The following ARSA variants were observed in gnomAD, a reference collection of about 807,000 sequenced individuals.
ARSA encodes the protein cerebroside-sulfatase.
In ARSA, 32 loss-of-function variants were observed where a neutral mutation model predicts 37.8. The observed-to-expected ratio is 0.85, with a 90% CI of 0.64 to 1.14. The LOEUF (loss-of-function observed/expected upper bound fraction) is 1.14, where lower values mean the gene tolerates loss of function less well. ARSA is among the 50% of genes most tolerant of loss of function. The pLI is 0.00. For missense variants in ARSA, 685 were observed against 686.3 expected (o/e 1.00, Z 0.02); for synonymous variants, 303 against 303.4 (o/e 1.00, Z 0.01).
Position 50,627,412 on chromosome 22 carries a change from G to A in ARSA, c.225-6C>T, listed in dbSNP as rs1228259690. On this transcript the variant is annotated splice_region_variant and splice_polypyrimidine_tract_variant and intron_variant, in intron 1 of 7. Transcript: ENST00000216124. ...GGCCGGTCAGGAGGGCGGCCCTGCGGGACAAGTCACAGAGTCCCTGAGACA... is the reference window on the plus strand; with the variant it reads ...GGCCGGTCAGGAGGGCGGCCCTGCGAGACAAGTCACAGAGTCCCTGAGACA... 6.2e-7 allele frequency: 1 copy of A among 1,608,364 alleles called. No homozygotes were observed. The highest frequency in any genetic ancestry group is 8.5e-7 in the Non-Finnish European group (1 of 1,179,380).
In ARSA at chr22:50,626,179, G is replaced by T; in HGVS notation, c.954C>A (p.Ala318=). The change falls in exon 5 of 8, where the codon GCC becomes GCA. Residue 318 remains alanine, a synonymous_variant. Transcript: ENST00000216124. ...CGGGAGCGATATGACCTGGCCAGAA[G>T]GCCAAGGCAGGCTCTCGGACACCGC... ...YEGGVREPAL[A]FWPGHIAPGV... 3 of 1,607,970 alleles carry T rather than the reference G, an allele frequency of 1.9e-6. No homozygotes were observed. Among genetic ancestry groups the T allele is most frequent in the Non-Finnish European group, 2.5e-6 (3 of 1,177,826 alleles).
At chr22:50,625,505 A>G (rs761875290) in intron 7 of ARSA, 41 bp from the exon 8 acceptor site, 9 of 1,587,790 alleles carry the variant, frequency 5.7e-6, no homozygotes, top group Non-Finnish European at 7.7e-6. Context: ...CAAGGGCGAG[A>G]GGAGGGGCCA....
rs1416993144 is a variant in ARSA at position 50,623,484 on chromosome 22, G to A, written c.*1661C>T. Reference sequence around the variant, plus strand: ...AGACAGGGTCTCACTCTGTCCCCGAGGCTGGAGTGCAGTGGTACAATTATA... The same window carrying A: ...AGACAGGGTCTCACTCTGTCCCCGAAGCTGGAGTGCAGTGGTACAATTATA... On this transcript the variant is annotated 3_prime_UTR_variant, in exon 8 of 8. Coordinates refer to ENST00000216124, the MANE Select transcript of ARSA (RefSeq NM_000487.6). Among the ~76,000 whole-genome samples, 3 of 152,304 alleles carry A rather than the reference G, an allele frequency of 2.0e-5. No individual in the cohort carries two copies. The highest frequency in any genetic ancestry group is 2.4e-5 in the African/African-American group (1 of 41,568).
In ARSA at chr22:50,624,042, T is replaced by C. The variant is rs1304948468; in HGVS notation, c.*1103A>G. The C allele has an allele frequency of 6.6e-6, 1 of 151,544 alleles. No individual in the cohort carries two copies. Among genetic ancestry groups the C allele is most frequent in the Non-Finnish European group, 1.5e-5 (1 of 68,034 alleles). The allele number at this position is 151,544 out of a possible 1,614,324, so 9.4% of individuals were successfully genotyped here. ...CCTCAGCCTCCCAAAGCACTGGGAA[T>C]ACAGGAGTGAATCGCCGTGTGCAGC... On this transcript the variant is annotated 3_prime_UTR_variant, in exon 8 of 8. Coordinates refer to ENST00000216124, the MANE Select transcript of ARSA (RefSeq NM_000487.6).
chr22:50,627,323 G>A lies in ARSA; in HGVS notation c.308C>T (p.Pro103Leu). The change falls in exon 2 of 8, where the codon CCC (proline) becomes CTC (leucine). Residue 103 changes from proline (P) to leucine (L), a missense_variant. By Grantham distance (98) the Pro-to-Leu change is moderately conservative. Transcript: ENST00000216124. ...VLVPSSRGGL[P>L]LEEVTVAEVL... The stretch of plus-strand genomic sequence containing the variant: ...TTCGGCCACGGTCACCTCCTCCAGG[G>A]GCAGGCCCCCCCGGGAGCTGGGCAC... The A allele has an allele frequency of 6.3e-7, 1 of 1,589,342 alleles. No individual in the cohort carries two copies. The highest frequency in any genetic ancestry group is 1.3e-5 in the African/African-American group (1 of 74,646).
Position 50,625,905 on chromosome 22 carries a change from A to G in ARSA, c.1107+31T>C, listed in dbSNP as rs370793209. 6.7e-5 allele frequency: 105 copies of G among 1,564,936 alleles called. No homozygotes were observed. The African/African-American group carries it at 1.3e-3, about 19-fold the overall frequency. On this transcript the variant is annotated intron_variant, in intron 6 of 7. Coordinates refer to ENST00000216124, the MANE Select transcript of ARSA (RefSeq NM_000487.6). ...CAGGGGAAGGCCAGGACAGGGGCCA[A>G]GGATCTGGGATCAGGGGTCACCGGC... is the stretch of plus-strand genomic sequence containing the variant.
At position 50,626,960 on chromosome 22, in the gene ARSA, G is replaced by C; in HGVS notation, c.558C>G (p.Asn186Lys). 1 of 1,613,066 alleles carries C rather than the reference G, an allele frequency of 6.2e-7. No homozygotes were observed. Among genetic ancestry groups the C allele is most frequent in the Middle Eastern group, 1.6e-4 (1 of 6,062 alleles). The change falls in exon 3 of 8, where the codon AAC (asparagine) becomes AAG (lysine). Residue 186 changes from asparagine to lysine, a missense_variant. Transcript: ENST00000216124. ...QGLVPIPLLANLSVEAQPPWL... is the reference protein window; with the variant it reads ...QGLVPIPLLAKLSVEAQPPWL... ...AGGGGGGCTGCGCCTCCACGGACAG[G>C]TTGGCCAACAGTGGGATGGGGACCA... is the stretch of plus-strand genomic sequence containing the variant.
rs1207404009 is a variant in ARSA, at chr22:50,624,843, C to T, written c.*302G>A. Among the ~76,000 whole-genome samples, 1 of 151,108 alleles carries T rather than the reference C, an allele frequency of 6.6e-6. No individual in the cohort carries two copies. The highest frequency in any genetic ancestry group is 1.5e-5 in the Non-Finnish European group (1 of 67,948). On this transcript the variant is annotated 3_prime_UTR_variant, in exon 8 of 8. Transcript: ENST00000216124. ...CCTGTGTGCACTGACCCACGCAGAT[C>T]ACCAAGGCGCCAGGGCAGCTTCCAG...
chr22:50,627,270 C>G lies in ARSA; in HGVS notation c.361G>C (p.Gly121Arg). Residue 121 changes from glycine (G) to arginine (R), a missense_variant, in exon 2 of 8, where the codon GGA (glycine) becomes CGA (arginine). Coordinates refer to ENST00000216124, the MANE Select transcript of ARSA (RefSeq NM_000487.6). ...CCAAGGTGCCACTTGCCGGCCATTCCTGTGAGGTAGCCTCGGGCAGCCAGG... is the reference window on the plus strand; with the variant it reads ...CCAAGGTGCCACTTGCCGGCCATTCGTGTGAGGTAGCCTCGGGCAGCCAGG... ...EVLAARGYLT[G>R]MAGKWHLGVG... 2 of 1,599,196 alleles carry G rather than the reference C, an allele frequency of 1.3e-6. No homozygotes were observed. The highest frequency in any genetic ancestry group is 2.2e-5 in the South Asian group (2 of 89,594).
rs759058860 is a variant in ARSA at position 50,625,131 on chromosome 22, C to T, written c.*14G>A. 29 of 1,533,580 alleles carry T rather than the reference C, an allele frequency of 1.9e-5. No homozygotes were observed. The highest frequency in any genetic ancestry group is 2.5e-5 in the Non-Finnish European group (28 of 1,141,588). 95.0% of individuals were successfully genotyped at this position (1,533,580 alleles called of 1,614,324 possible). On this transcript the variant is annotated 3_prime_UTR_variant, in exon 8 of 8. Transcript: ENST00000216124. ...GTGAGGAGCCATCACATGCCCAGGCCAGCCGAGGGGCCCTCAGGCATGGGG... is the reference window on the plus strand; with the variant it reads ...GTGAGGAGCCATCACATGCCCAGGCTAGCCGAGGGGCCCTCAGGCATGGGG...
rs74315470 is a variant in ARSA, at chr22:50,626,709, G to C, written c.736C>G (p.Arg246Gly). Residue 246 changes from arginine to glycine, a missense_variant, in exon 4 of 8, where the codon CGC (arginine) becomes GGC (glycine). By Grantham distance (125) the Arg-to-Gly change is moderately radical (BLOSUM62 -2). Transcript: ENST00000216124. ...ATCAGGGAGTCCCCAAATGGCCCGC[G>C]GCCTGAACGCTCTGCAAAGCTCTGC... ...SGQSFAERSG[R>G]GPFGDSLMEL... is the part of the protein sequence containing the mutation. 2 of 1,613,986 alleles carry C rather than the reference G, an allele frequency of 1.2e-6. No individual in the cohort carries two copies.
In ARSA at chr22:50,625,948, C is replaced by T. The variant is rs765842290; in HGVS notation, c.1095G>A (p.Leu365=). The T allele has an allele frequency of 6.4e-6, 10 of 1,572,554 alleles. No individual in the cohort carries two copies. The East Asian group carries it at 2.1e-4, about 33-fold the overall frequency. The change falls in exon 6 of 8, where the codon CTG becomes CTA. Residue 365 remains leucine, a synonymous_variant. Coordinates refer to ENST00000216124, the MANE Select transcript of ARSA (RefSeq NM_000487.6). ...TCACCGGCCCTACCTTGCCTGTGCC[C>T]AGCAGCAGGGGGCTGAGGTCAAAGC... ...LDGFDLSPLL[L]GTGKSPRQSL...
In ARSA at chr22:50,624,143, C is replaced by T. The variant is rs2082627568; in HGVS notation, c.*1002G>A. 6.6e-6 allele frequency among the ~76,000 whole-genome samples: 1 copy of T among 151,932 alleles called. No individual in the cohort carries two copies. The highest frequency in any genetic ancestry group is 2.1e-4 in the South Asian group (1 of 4,822). On this transcript the variant is annotated 3_prime_UTR_variant, in exon 8 of 8. Coordinates refer to ENST00000216124, the MANE Select transcript of ARSA (RefSeq NM_000487.6). ...CTGGAGTGCAATGGTGCGATCTCGGCTCACTGCAACCACCGCCTCCCAGGT... is the reference window on the plus strand; with the variant it reads ...CTGGAGTGCAATGGTGCGATCTCGGTTCACTGCAACCACCGCCTCCCAGGT...
rs998702737 is a variant in ARSA at position 50,625,419 on chromosome 22, G to T, written c.1256C>A (p.Ser419Tyr). The change falls in exon 8 of 8, where the codon TCC becomes TAC. Residue 419 changes from serine to tyrosine, a missense_variant. Ser to Tyr is a moderately radical substitution (Grantham distance 144). Coordinates refer to ENST00000216124, the MANE Select transcript of ARSA (RefSeq NM_000487.6). ...GGGCTCATGAGCAGTCAGAGAGCTG[G>T]AGGCGTGGCAGGCAGGGTCTGCAGT... is the stretch of plus-strand genomic sequence containing the variant. ...DTTADPACHA[S>Y]SSLTAHEPPL... 6 of 1,596,670 alleles carry T rather than the reference G, an allele frequency of 3.8e-6. No homozygotes were observed. Among genetic ancestry groups the T allele is most frequent in the Admixed American group, 1.7e-5 (1 of 59,318 alleles).
rs1193142597 is a variant in ARSA, at chr22:50,627,868, C to T, written c.-89G>A. The T allele has an allele frequency of 2.3e-6, 3 of 1,328,950 alleles. No individual in the cohort carries two copies. The highest frequency in any genetic ancestry group is 1.5e-5 in the African/African-American group (1 of 68,596). The allele number at this position is 1,328,950 out of a possible 1,614,324, so 82.3% of individuals were successfully genotyped here. A position where few individuals can be genotyped will look rare whatever the true frequency, so the allele number is the denominator to read the frequency against. On this transcript the variant is annotated 5_prime_UTR_variant, in exon 1 of 8. Transcript: ENST00000216124. ...CCGCAGACCCAGGCGCCGCCCTTCC[C>T]TGAGACCCCGGACCCAAATACTCCC...
Position 50,626,863 on chromosome 22 carries a change from G to T in ARSA, c.655C>A (p.Arg219Ser). The change falls in exon 3 of 8, where the codon CGC (arginine) becomes AGC (serine). Residue 219 changes from arginine (R) to serine (S), a missense_variant. Transcript: ENST00000216124. ...GAGGCATAGTACAGGAAGAAGGGGC[G>T]ATCCTGGCGCTGGGCGTCGGCCATG... ...DLMADAQRQDRPFFLYYASHH... is the reference protein window; with the variant it reads ...DLMADAQRQDSPFFLYYASHH... 6.2e-7 allele frequency: 1 copy of T among 1,613,448 alleles called. No homozygotes were observed.
In ARSA at chr22:50,625,740, G is replaced by A. The variant is rs1189624883; in HGVS notation, c.1108-59C>T. The A allele has an allele frequency of 2.5e-6, 4 of 1,583,908 alleles. No homozygotes were observed. The African/African-American group carries it at 5.4e-5, about 21-fold the overall frequency. ...AGGCCCCAAGCACTGCACATACCTG[G>A]GGCTGCCAGCCCTGGTGGGAGGCCC... is the stretch of plus-strand genomic sequence containing the variant. On this transcript the variant is annotated intron_variant, in intron 6 of 7. Transcript: ENST00000216124.
At chr22:50,626,096 C>T (rs201870826) in intron 5 of ARSA, 33 bp from the exon 6 acceptor site, 55 of 1,599,762 alleles carry the variant, frequency 3.4e-5, no homozygotes, top group Non-Finnish European at 4.1e-5. Context: ...TCACTCAGTT[C>T]GCCATCAAGG....
rs773900851 is a variant in ARSA at position 50,626,068 on chromosome 22, G to A, written c.980-5C>T. On this transcript the variant is annotated splice_polypyrimidine_tract_variant and splice_region_variant and intron_variant, in intron 5 of 7. Coordinates refer to ENST00000216124, the MANE Select transcript of ARSA (RefSeq NM_000487.6). ...TGGCCAGCTCGTGGGTCACGCCTGG[G>A]GGCAGGAGGCTGGTCAGTCACTCAG... 6.3e-7 allele frequency: 1 copy of A among 1,597,046 alleles called. No homozygotes were observed. Among genetic ancestry groups the A allele is most frequent in the Non-Finnish European group, 8.5e-7 (1 of 1,173,858 alleles).
Sources: allele counts gnomAD v4.1 joint callset (sites outside exome capture counted in the v4.1 genomes callset), GRCh38; gene constraint gnomAD v4.1.1; transcripts MANE v1.5; gene names NCBI Gene and HGNC (gene_info 2026-07-23, HGNC 2026-07-21).